The following EGF variants were observed in gnomAD, a reference collection of about 807,000 sequenced individuals.
The protein encoded by EGF is pro-epidermal growth factor.
A neutral mutation model predicts 143.8 loss-of-function variants in EGF; 95 were observed. The ratio of observed to expected loss-of-function variants is 0.66; its 90% CI spans 0.56 to 0.78. The LOEUF (loss-of-function observed/expected upper bound fraction) is 0.78. Among genes scored for constraint, EGF ranks in the 30% least tolerant of loss-of-function variants. EGF has a pLI of 0.00. For synonymous variants in EGF, 510 were observed against 510.5 expected (o/e 1.00, Z 0.01); for missense variants, 1,320 against 1,470.9 (o/e 0.90, Z 1.68).
intron 18 of EGF, 105 bp downstream of exon 18, chr4:109,988,814 C>A: frequency 6.5e-7 from 1 of 1,530,896 alleles, no homozygotes; most frequent in Non-Finnish European, 9.0e-7. Context: ...ATTGGGGTGA[C>A]ACACATGTCA....
Position 109,988,570 on chromosome 4 carries a change from A to G in EGF, c.2609-14A>G, listed in dbSNP as rs1348614226. On this transcript the variant is annotated splice_polypyrimidine_tract_variant and intron_variant, in intron 17 of 23. Transcript: ENST00000265171. ...TTGCCTAAATATTGCACTAGTTCAT[A>G]ATTTTGCCCACAGATATAGATGAAT... The G allele has an allele frequency of 6.2e-6, 10 of 1,613,820 alleles. No homozygotes were observed. The highest frequency in any genetic ancestry group is 8.5e-6 in the Non-Finnish European group (10 of 1,179,834).
chr4:110,012,971 C>T lies in EGF; in HGVS notation c.*1516C>T, dbSNP rs1578426143. ...AAAAAGAAATTGAAGTACCTGTTTT[C>T]AAATGGATACTTTATAGGAATTTTG... On this transcript the variant is annotated 3_prime_UTR_variant, in exon 24 of 24. Transcript: ENST00000265171. Among the ~76,000 whole-genome samples, 1 of 152,148 alleles carries T rather than the reference C, an allele frequency of 6.6e-6. No individual in the cohort carries two copies. Among genetic ancestry groups the T allele is most frequent in the Non-Finnish European group, 1.5e-5 (1 of 68,022 alleles).
chr4:109,992,982 G>C (rs1751224841), intron 18 of EGF, among the ~76,000 whole-genome samples: 1 of 142,398 alleles, frequency 7.0e-6, no homozygotes, highest in South Asian at 2.1e-4. Flanking sequence ...AGCATTAGGA[G>C]ATACACCTAA....
chr4:109,913,474 A>G lies in EGF; in HGVS notation c.127+12A>G, dbSNP rs1184504995. 6.2e-7 allele frequency: 1 copy of G among 1,612,914 alleles called. No homozygotes were observed. Among genetic ancestry groups the G allele is most frequent in the African/African-American group, 1.3e-5 (1 of 74,900 alleles). On this transcript the variant is annotated intron_variant, in intron 1 of 23. Transcript: ENST00000265171. ...TTCTACTTGTGTGGGTAAGTACTCC[A>G]ATGAAAAGGTGCTCCAGGTCTCCGG...
At chr4:109,932,351 C>T (rs1255232463) in intron 1 of EGF, among the ~76,000 whole-genome samples, 1 of 98,612 alleles carries the variant, frequency 1.0e-5, no homozygotes, top group African/African-American at 3.8e-5. Context: ...TGAAAACCTC[C>T]CATTTAGTCA....
intron 18 of EGF, 57 bp downstream of exon 18, chr4:109,988,766 A>G: frequency 6.2e-7 from 1 of 1,610,562 alleles, no homozygotes. Flanking sequence ...AAATCGGGAA[A>G]CAATGTGGGT....
At chr4:109,981,345 T>G (rs545892159) in intron 15 of EGF, among the ~76,000 whole-genome samples, 1 of 152,368 alleles carries the variant, frequency 6.6e-6, no homozygotes, top group East Asian at 1.9e-4. Context: ...GTATATGATC[T>G]CTTATCACAT....
At chr4:109,919,022 T>C (rs531367991) in intron 1 of EGF, among the ~76,000 whole-genome samples, 45 of 152,168 alleles carry the variant, frequency 3.0e-4, no homozygotes, top group Non-Finnish European at 3.8e-4. Context: ...CTGCAGAACA[T>C]TTTAGATTTC....
chr4:109,973,382 G>A (rs1235647783), intron 11 of EGF, among the ~76,000 whole-genome samples: 2 of 151,898 alleles, frequency 1.3e-5, no homozygotes, highest in Non-Finnish European at 2.9e-5. Flanking sequence ...CTTGCTTAGG[G>A]TACTCTTTCC....
chr4:109,980,423 T>C (rs1010577309), intron 14 of EGF, among the ~76,000 whole-genome samples: 2 of 152,174 alleles, frequency 1.3e-5, no homozygotes, highest in Non-Finnish European at 2.9e-5. Flanking sequence ...ACACCGGCAG[T>C]GGAAGCTTCT....
In EGF at chr4:109,934,685, A is replaced by G. The variant is rs182351966; in HGVS notation, c.128-6261A>G. ...GCCTAGGTTTTCTTCTAGGGTTTTTATGGTTTTAGGTCTTACATTTAAGTC... is the reference window on the plus strand; with the variant it reads ...GCCTAGGTTTTCTTCTAGGGTTTTTGTGGTTTTAGGTCTTACATTTAAGTC... On this transcript the variant is annotated intron_variant, in intron 1 of 23. Coordinates refer to ENST00000265171, the MANE Select transcript of EGF (RefSeq NM_001963.6). 6.6e-5 allele frequency among the ~76,000 whole-genome samples: 10 copies of G among 152,244 alleles called. No homozygotes were observed. In the South Asian group the frequency reaches 1.7e-3, roughly 25 times the overall value.
intron 5 of EGF, among the ~76,000 whole-genome samples, chr4:109,950,556 G>A (rs1009815735): frequency 6.6e-6 from 1 of 152,190 alleles, no homozygotes; most frequent in Admixed American, 6.5e-5. Flanking sequence ...CTAATCATCA[G>A]TAATTAAAGT....
At chr4:109,935,288 G>A (rs1461412905) in intron 1 of EGF, among the ~76,000 whole-genome samples, 1 of 152,124 alleles carries the variant, frequency 6.6e-6, no homozygotes, top group Non-Finnish European at 1.5e-5. Context: ...TCCCTTATAA[G>A]TTGGATTCCT....
intron 4 of EGF, 112 bp downstream of exon 4, chr4:109,944,181 G>A (rs1239086778): frequency 8.1e-7 from 1 of 1,233,694 alleles, no homozygotes; most frequent in Admixed American, 2.0e-5. Context: ...CATAGATTTT[G>A]AATCCAAAAG....
chr4:109,942,651 T>C (rs1742118011), intron 2 of EGF, among the ~76,000 whole-genome samples: 1 of 152,162 alleles, frequency 6.6e-6, no homozygotes, highest in Non-Finnish European at 1.5e-5. Context: ...AAAGTTCTGG[T>C]TGGGCATTTT....
At chr4:109,983,363 C>A in intron 15 of EGF, 59 bp from the exon 16 acceptor site, 1 of 1,586,100 alleles carries the variant, frequency 6.3e-7, no homozygotes, top group Non-Finnish European at 8.6e-7. Context: ...TAAATGAAAT[C>A]AAACTTTTTT....
chr4:109,916,372 A>T (rs1001466491), intron 1 of EGF, among the ~76,000 whole-genome samples: 2 of 152,174 alleles, frequency 1.3e-5, no homozygotes, highest in African/African-American at 4.8e-5. Context: ...CTTAGTGGTA[A>T]AGAAGCATAA....
intron 1 of EGF, among the ~76,000 whole-genome samples, chr4:109,925,842 A>C (rs1049176450): frequency 1.3e-5 from 2 of 152,252 alleles, no homozygotes; most frequent in African/African-American, 4.8e-5. Context: ...TTACTAGGAC[A>C]TCAACCAAAA....
intron 16 of EGF, among the ~76,000 whole-genome samples, chr4:109,984,835 G>A (rs567237129): frequency 2.6e-5 from 4 of 152,214 alleles, no homozygotes; most frequent in Non-Finnish European, 4.4e-5. Context: ...AAAATAAGAC[G>A]TTCTGGAAAA....
Sources: allele counts gnomAD v4.1 joint callset (sites outside exome capture counted in the v4.1 genomes callset), GRCh38; gene constraint gnomAD v4.1.1; transcripts MANE v1.5; gene names NCBI Gene and HGNC (gene_info 2026-07-23, HGNC 2026-07-21).